The following MYO9B variants were observed in gnomAD, a reference collection of about 807,000 sequenced individuals.
MYO9B encodes the protein myosin IXB, also known as unconventional myosin-IXb.
MYO9B carries 71 observed loss-of-function variants against 229.5 expected under a neutral mutation model. The ratio of observed to expected loss-of-function variants is 0.31; its 90% confidence interval spans 0.26 to 0.38. MYO9B has a LOEUF of 0.38. Ranked by LOEUF, MYO9B falls within the 10% of genes least tolerant of loss-of-function variation. The probability of loss-of-function intolerance (pLI) is 1.00; values close to 1 mark genes in which losing one functional copy is unlikely to be tolerated. For missense variants in MYO9B, 2,255 were observed against 2,920.5 expected (o/e 0.77, Z 5.25); for synonymous variants, 1,185 against 1,235.8 (o/e 0.96, Z 0.86).
intron 11 of MYO9B, among the ~76,000 whole-genome samples, chr19:17,171,413 A>C (rs2072723767): frequency 6.6e-6 from 1 of 152,118 alleles, no homozygotes; most frequent in African/African-American, 2.4e-5. Context: ...GAGCAGGAGA[A>C]GGACCCCCTG....
chr19:17,191,762 G>T (rs1165533992), intron 20 of MYO9B, among the ~76,000 whole-genome samples: 3 of 151,760 alleles, frequency 2.0e-5, no homozygotes, highest in African/African-American at 7.3e-5. Context: ...GATCCCTTGA[G>T]CCCAGGAGTT....
intron 28 of MYO9B, 92 bp from the exon 29 acceptor site, chr19:17,202,750 G>T: frequency 1.5e-6 from 2 of 1,303,014 alleles, no homozygotes; most frequent in Non-Finnish European, 2.1e-6. Context: ...AGGGTTCAGG[G>T]TACCCACACG....
At chr19:17,158,140 T>A (rs1260587950) in intron 7 of MYO9B, among the ~76,000 whole-genome samples, 1 of 152,168 alleles carries the variant, frequency 6.6e-6, no homozygotes, top group Non-Finnish European at 1.5e-5. Flanking sequence ...CAAGTGCAAA[T>A]GGCAGTGAGG....
intron 10 of MYO9B, among the ~76,000 whole-genome samples, chr19:17,166,724 G>T (rs1480063509): frequency 6.6e-6 from 1 of 151,872 alleles, no homozygotes; most frequent in African/African-American, 2.4e-5. Flanking sequence ...TCATCATTTG[G>T]CTCCCTCTTA....
In MYO9B at chr19:17,212,151, C is replaced by T. The variant is rs2073238502; in HGVS notation, c.6315C>T (p.Asp2105=). ...GGGAGCCACCTGCCCGCCGCCCGGA[C>T]CAGATACATTCCGTGTACATCACGC... The part of the protein sequence containing the change: ...RRREPPARRP[D]QIHSVYITPG... Residue 2105 remains aspartate (D), a synonymous_variant, in exon 40 of 40, where the codon GAC becomes GAT. Transcript: ENST00000682292. The surrounding 1 kb of genome is among the most constrained non-coding windows in gnomAD (Gnocchi z 5.4). 6.3e-7 allele frequency: 1 copy of T among 1,587,988 alleles called. No homozygotes were observed.
At chr19:17,173,323 G>T (rs1159716201) in intron 13 of MYO9B, among the ~76,000 whole-genome samples, 2 of 139,240 alleles carry the variant, frequency 1.4e-5, no homozygotes, top group Non-Finnish European at 3.1e-5. Context: ...TAGAGACAGG[G>T]TCTCTCTCTC....
intron 32 of MYO9B, 23 bp from the exon 33 acceptor site, chr19:17,206,225 G>GGGGGGGCCCC: frequency 4.5e-6 from 7 of 1,564,656 alleles, no homozygotes; most frequent in South Asian, 1.2e-5. Flanking sequence ...CCGCTCACCA[G>GGGGGGGCCCC]ACCCACCCCA....
At chr19:17,141,843 ACTC>A (rs1328928512) in intron 2 of MYO9B, among the ~76,000 whole-genome samples, 2 of 152,106 alleles carry the variant, frequency 1.3e-5, no homozygotes, top group African/African-American at 4.8e-5. Flanking sequence ...GTATGTGTGG[ACTC>A]CTCAGTACAG....
Position 17,198,110 on chromosome 19 carries a change from C to T in MYO9B, c.4114-74C>T, listed in dbSNP as rs906493244. 32 of 1,585,188 alleles carry T rather than the reference C, an allele frequency of 2.0e-5. No homozygotes were observed. The African/African-American group carries it at 3.2e-4, about 16-fold the overall frequency. On this transcript the variant is annotated intron_variant, in intron 23 of 39. Coordinates refer to ENST00000682292, the MANE Select transcript of MYO9B (RefSeq NM_004145.4). ...GAGGTCGGTGGATGGAGTGTAAATG[C>T]CTGCAGGGGCTTCCCCATCTAGCAC...
intron 24 of MYO9B, among the ~76,000 whole-genome samples, chr19:17,199,082 A>G (rs1461774628): frequency 6.6e-6 from 1 of 152,190 alleles, no homozygotes; most frequent in Non-Finnish European, 1.5e-5. Flanking sequence ...GCATGCCTGT[A>G]GTCCCAGCTA....
At chr19:17,194,504 G>A in intron 21 of MYO9B, 52 bp from the exon 22 acceptor site, 5 of 1,578,784 alleles carry the variant, frequency 3.2e-6, no homozygotes, top group South Asian at 1.1e-5. Context: ...TCAGTGGGAG[G>A]TGGAGGGAGT....
intron 2 of MYO9B, among the ~76,000 whole-genome samples, chr19:17,117,575 T>C (rs1459922958): frequency 6.6e-6 from 1 of 152,118 alleles, no homozygotes; most frequent in Non-Finnish European, 1.5e-5. Flanking sequence ...TCTCTGTAAA[T>C]CCCGGACAGT....
At position 17,150,809 on chromosome 19, in the gene MYO9B, C is replaced by T. The variant is rs1057253660; in HGVS notation, c.936-1835C>T. On this transcript the variant is annotated intron_variant, in intron 3 of 39. Coordinates refer to ENST00000682292, the MANE Select transcript of MYO9B (RefSeq NM_004145.4). ...ATGATGCCTAGAACATATTTTTCCT[C>T]GAAAAAACATTCACTGCCACTACTT... 5.7e-5 allele frequency among the ~76,000 whole-genome samples: 8 copies of T among 140,950 alleles called. 1 individual carries two copies. Among genetic ancestry groups the T allele is most frequent in the Admixed American group, 1.4e-4 (2 of 13,950 alleles). 92.5% of individuals were successfully genotyped at this position (140,950 alleles called of 152,430 possible).
intron 24 of MYO9B, among the ~76,000 whole-genome samples, chr19:17,198,940 C>G (rs2073076940): frequency 6.6e-6 from 1 of 152,118 alleles, no homozygotes; most frequent in Admixed American, 6.6e-5. Flanking sequence ...GTAGGTCACG[C>G]CTGTAATCTC....
chr19:17,151,409 T>TC (rs2072476075), intron 3 of MYO9B, among the ~76,000 whole-genome samples: 1 of 151,636 alleles, frequency 6.6e-6, no homozygotes, highest in Admixed American at 6.6e-5. Context: ...TGGAAAGGAA[T>TC]CCCCAGACCC....
intron 6 of MYO9B, 42 bp downstream of exon 6, chr19:17,154,457 A>G (rs1170942128): frequency 2.7e-6 from 4 of 1,492,686 alleles, no homozygotes; most frequent in Non-Finnish European, 3.7e-6. Flanking sequence ...CAGAGCCTAC[A>G]GGGGGCACGC....
At chr19:17,156,214 G>C (rs552900699) in intron 6 of MYO9B, among the ~76,000 whole-genome samples, 1 of 151,948 alleles carries the variant, frequency 6.6e-6, no homozygotes. Flanking sequence ...TGGTCTGGGG[G>C]CTAGTCAGAG....
intron 3 of MYO9B, among the ~76,000 whole-genome samples, chr19:17,149,593 G>A (rs553895600): frequency 2.6e-5 from 4 of 152,300 alleles, no homozygotes; most frequent in South Asian, 2.1e-4. Context: ...AAGAATGGCC[G>A]CAGCGATCAC....
At chr19:17,200,264 TAAAAG>T (rs1568299267) in intron 24 of MYO9B, 24 bp from the exon 25 acceptor site, 1 of 1,596,106 alleles carries the variant, frequency 6.3e-7, no homozygotes. Context: ...ATTTCAGACT[TAAAAG>T]AAGCCACGTA....
Sources: gnomAD v4.1 joint callset for allele counts (sites outside exome capture counted in the v4.1 genomes callset) on GRCh38, gnomAD v4.1.1 for gene constraint, Gnocchi (gnomAD v3.1) non-coding constraint, MANE v1.5 for transcripts, NCBI Gene and HGNC (gene_info 2026-07-23, HGNC 2026-07-21) for gene names.